Variants in DAB1 observed in about 807,000 individuals in gnomAD.
The protein encoded by DAB1 is DAB adaptor protein 1.
DAB1 carries 15 observed loss-of-function variants against 64.6 expected under a neutral mutation model. That is an observed-to-expected ratio of 0.23 (90% CI 0.16 to 0.36). DAB1 has a LOEUF of 0.36. DAB1 is among the 10% of genes least tolerant of loss of function. The pLI is 1.00. For synonymous variants in DAB1, 235 were observed against 251.9 expected (o/e 0.93, Z 0.64); for missense variants, 596 against 706.7 (o/e 0.84, Z 1.78).
chr1:56,996,983 A>G lies in DAB1; in HGVS notation c.*1161T>C, dbSNP rs932466019. ...TTTTTTTTTCAAGTTATAAAATAAAAATCCCATTTGAATTTTCTGATGTAC... is the reference window on the plus strand; with the variant it reads ...TTTTTTTTTCAAGTTATAAAATAAAGATCCCATTTGAATTTTCTGATGTAC... On this transcript the variant is annotated 3_prime_UTR_variant, in exon 15 of 15. Transcript: ENST00000371236. The G allele has an allele frequency of 6.6e-6, 1 of 152,190 alleles. No individual in the cohort carries two copies. Among genetic ancestry groups the G allele is most frequent in the Non-Finnish European group, 1.5e-5 (1 of 68,036 alleles). 9.4% of individuals were successfully genotyped at this position (152,190 alleles called of 1,614,324 possible).
chr1:58,066,911 T>C (rs1027370202), intron 5 of DAB1, among the ~76,000 whole-genome samples: 3 of 152,198 alleles, frequency 2.0e-5, no homozygotes, highest in Non-Finnish European at 4.4e-5. Context: ...ACTCTACATT[T>C]CACAGGCTAA....
chr1:57,352,666 C>T (rs1383238212), intron 1 of DAB1, among the ~76,000 whole-genome samples: 1 of 152,204 alleles, frequency 6.6e-6, no homozygotes, highest in Admixed American at 6.5e-5. Flanking sequence ...AAGATTTGAA[C>T]CCACACATTC....
At chr1:58,118,568 A>C (rs867832898) in intron 5 of DAB1, among the ~76,000 whole-genome samples, 1 of 57,344 alleles carries the variant, frequency 1.7e-5, no homozygotes, top group Non-Finnish European at 2.5e-5. Flanking sequence ...TAAAATACAT[A>C]TATATATATA....
chr1:57,550,143 T>C (rs1644898345), intron 7 of DAB1, among the ~76,000 whole-genome samples: 1 of 152,194 alleles, frequency 6.6e-6, no homozygotes, highest in Non-Finnish European at 1.5e-5. Flanking sequence ...AGTTTGTTCT[T>C]CTGTAAAATG....
At chr1:57,444,254 G>A (rs1052175386) in intron 7 of DAB1, among the ~76,000 whole-genome samples, 6 of 151,980 alleles carry the variant, frequency 3.9e-5, no homozygotes, top group Non-Finnish European at 7.4e-5. Context: ...CCTTAGCAAG[G>A]TCCCTTTATT....
At chr1:57,753,963 C>T (rs183817227) in intron 6 of DAB1, among the ~76,000 whole-genome samples, 1 of 152,296 alleles carries the variant, frequency 6.6e-6, no homozygotes, top group African/African-American at 2.4e-5. Context: ...ATCACCCATA[C>T]AGAGTCTAAT....
At chr1:57,014,774 G>C in intron 12 of DAB1, 109 bp downstream of exon 12, 1 of 830,842 alleles carries the variant, frequency 1.2e-6, no homozygotes, top group Non-Finnish European at 1.8e-6. Flanking sequence ...TATAAACAAA[G>C]AAGCCTGATT....
chr1:58,220,643 T>A (rs923109267), intron 4 of DAB1, among the ~76,000 whole-genome samples: 5 of 152,122 alleles, frequency 3.3e-5, no homozygotes, highest in African/African-American at 1.2e-4. Context: ...CTGAAGAACT[T>A]AGGGCCTTTC....
chr1:57,939,452 G>C (rs12407697), intron 5 of DAB1, among the ~76,000 whole-genome samples: 61,365 of 152,104 alleles, frequency 0.4, 13,534 homozygotes, highest in Admixed American at 0.51. Context: ...CCTCAACCAC[G>C]ATGTTCTCTC....
At chr1:58,080,763 G>A (rs552298838) in intron 5 of DAB1, among the ~76,000 whole-genome samples, 17 of 152,316 alleles carry the variant, frequency 1.1e-4, no homozygotes, top group African/African-American at 1.4e-4. Flanking sequence ...CATGAATACA[G>A]GTAAGTGACT....
chr1:57,562,715 C>T (rs1369969527), intron 7 of DAB1, among the ~76,000 whole-genome samples: 1 of 152,172 alleles, frequency 6.6e-6, no homozygotes, highest in Non-Finnish European at 1.5e-5. Flanking sequence ...GCTTCCTGTT[C>T]CCATGACATT....
intron 2 of DAB1, among the ~76,000 whole-genome samples, chr1:57,226,669 A>AT (rs1557978067): frequency 1.3e-4 from 17 of 128,308 alleles, no homozygotes; most frequent in African/African-American, 3.9e-4. Context: ...TGGTTAAAAA[A>AT]AAAATATATA....
At chr1:58,080,273 A>C (rs1400023672) in intron 5 of DAB1, 2 of 152,194 alleles carry the variant, frequency 1.3e-5, no homozygotes, top group African/African-American at 4.8e-5. Flanking sequence ...TTTATGACTT[A>C]ATCAAGATTC....
At chr1:58,029,284 A>G (rs978938925) in intron 5 of DAB1, among the ~76,000 whole-genome samples, 13 of 152,200 alleles carry the variant, frequency 8.5e-5, no homozygotes, top group African/African-American at 2.7e-4. Flanking sequence ...GGGTTCTGAG[A>G]GCAAAAGAAG....
At chr1:58,026,135 T>C (rs1325457) in intron 5 of DAB1, among the ~76,000 whole-genome samples, 65,544 of 152,038 alleles carry the variant, frequency 0.43, 14,407 homozygotes, top group African/African-American at 0.45. Context: ...TGCTTGTACC[T>C]AGAGCTCTGA....
intron 6 of DAB1, among the ~76,000 whole-genome samples, chr1:57,672,036 C>T (rs1392945344): frequency 6.6e-6 from 1 of 152,062 alleles, no homozygotes. Flanking sequence ...CTCTTACATT[C>T]ATTATCTTAA....
At chr1:57,642,108 T>C (rs1159143742) in intron 7 of DAB1, among the ~76,000 whole-genome samples, 2 of 152,216 alleles carry the variant, frequency 1.3e-5, no homozygotes, top group Non-Finnish European at 2.9e-5. Context: ...TGATTTTTTT[T>C]TTAAGTTCTC....
At chr1:57,566,012 C>T (rs2101520334) in intron 7 of DAB1, among the ~76,000 whole-genome samples, 1 of 152,282 alleles carries the variant, frequency 6.6e-6, no homozygotes, top group East Asian at 1.9e-4. Context: ...CCAAAATTGA[C>T]CACATATTTG....
chr1:57,686,247 C>T (rs3131763), intron 6 of DAB1, among the ~76,000 whole-genome samples: 111,867 of 152,100 alleles, frequency 0.74, 42,026 homozygotes, highest in East Asian at 0.93. Flanking sequence ...ATACAAAATA[C>T]GCTCAGAGAT....
Sources: allele counts gnomAD v4.1 joint callset (sites outside exome capture counted in the v4.1 genomes callset), GRCh38; gene constraint gnomAD v4.1.1; transcripts MANE v1.5; gene names NCBI Gene and HGNC (gene_info 2026-07-23, HGNC 2026-07-21).